GRIK4: variants seen among roughly 807,000 people sequenced by gnomAD.
The protein encoded by GRIK4 is glutamate receptor ionotropic, kainate 4.
In GRIK4, 40 loss-of-function variants were observed where a neutral mutation model predicts 104.9. The observed-to-expected ratio is 0.38, with a 90% CI of 0.30 to 0.50. GRIK4 has a LOEUF of 0.50. Ranked by LOEUF, GRIK4 falls within the 20% of genes least tolerant of loss-of-function variation. The pLI is 0.93. For synonymous variants in GRIK4, 485 were observed against 524.9 expected (o/e 0.92, Z 1.04); for missense variants, 1,047 against 1,308.1 (o/e 0.80, Z 3.08).
chr11:120,773,130 T>C (rs1951978437), intron 3 of GRIK4, among the ~76,000 whole-genome samples: 2 of 152,196 alleles, frequency 1.3e-5, no homozygotes, highest in South Asian at 4.1e-4. Flanking sequence ...TTGTTTTTGA[T>C]GGTCAAACTG....
In GRIK4 at chr11:120,511,869, G is replaced by A. The variant is rs1039343610; in HGVS notation, c.-177G>A. The A allele has an allele frequency of 1.6e-5, 5 of 315,216 alleles. No individual in the cohort carries two copies. Among genetic ancestry groups the A allele is most frequent in the African/African-American group, 2.6e-5 (1 of 37,996 alleles). The allele number at this position is 315,216 out of a possible 1,614,324, so 19.5% of individuals were successfully genotyped here. ...GCGCCCGGCCCCCGGCTCAGCCCCC[G>A]GAGTGCGGAGCCGACCAGGTAAGGG... On this transcript the variant is annotated 5_prime_UTR_variant, in exon 1 of 21. Coordinates refer to ENST00000527524, the MANE Select transcript of GRIK4 (RefSeq NM_014619.5).
chr11:120,623,889 T>A (rs1021475275), intron 1 of GRIK4, among the ~76,000 whole-genome samples: 2 of 152,074 alleles, frequency 1.3e-5, no homozygotes, highest in Non-Finnish European at 2.9e-5. Flanking sequence ...CCTGCTGCCC[T>A]CCGTGGCACC....
At chr11:120,852,601 C>T (rs1953999063) in intron 8 of GRIK4, among the ~76,000 whole-genome samples, 1 of 152,194 alleles carries the variant, frequency 6.6e-6, no homozygotes. Flanking sequence ...AGGACCAAAT[C>T]TCCTATTAAA....
At chr11:120,857,046 T>C (rs1458771624) in intron 8 of GRIK4, among the ~76,000 whole-genome samples, 2 of 152,204 alleles carry the variant, frequency 1.3e-5, no homozygotes, top group South Asian at 2.1e-4. Flanking sequence ...TTCTTGGCAC[T>C]GGACCCTGTG....
At position 120,903,898 on chromosome 11, in the gene GRIK4, G is replaced by T. The variant is rs1403027858; in HGVS notation, c.1273-1392G>T. Among the ~76,000 whole-genome samples, 3 of 152,180 alleles carry T rather than the reference G, an allele frequency of 2.0e-5. No homozygotes were observed. Among genetic ancestry groups the T allele is most frequent in the African/African-American group, 7.2e-5 (3 of 41,438 alleles). On this transcript the variant is annotated intron_variant, in intron 12 of 20. Transcript: ENST00000527524. The surrounding 1 kb of genome is among the most constrained non-coding windows in gnomAD (Gnocchi z 4.4). Reference sequence around the variant, plus strand: ...GTCGGCAGTGACACATGATCAACACGCTGGTTCCCAGCCCTGCTAGGTCTG... The same window carrying T: ...GTCGGCAGTGACACATGATCAACACTCTGGTTCCCAGCCCTGCTAGGTCTG...
At chr11:120,866,443 G>T (rs1244325927) in intron 9 of GRIK4, among the ~76,000 whole-genome samples, 1 of 152,188 alleles carries the variant, frequency 6.6e-6, no homozygotes, top group East Asian at 1.9e-4. Flanking sequence ...TTGCTCAGTG[G>T]ACTGGAGAGG....
At chr11:120,874,892 T>G (rs73584408) in intron 10 of GRIK4, among the ~76,000 whole-genome samples, 9,633 of 152,230 alleles carry the variant, frequency 0.063, 927 homozygotes, top group African/African-American at 0.21. Context: ...GGGTTGGTTT[T>G]TGCAGTTGGT....
At chr11:120,609,134 C>A (rs989061834) in intron 1 of GRIK4, among the ~76,000 whole-genome samples, 1 of 152,252 alleles carries the variant, frequency 6.6e-6, no homozygotes, top group East Asian at 1.9e-4. Context: ...GTGCTCCCAG[C>A]GCCTCCCCTC....
intron 13 of GRIK4, among the ~76,000 whole-genome samples, chr11:120,912,976 A>G (rs897621199): frequency 5.3e-5 from 8 of 152,224 alleles, no homozygotes; most frequent in Admixed American, 2.6e-4. Flanking sequence ...CAGTCAGGCA[A>G]GTATCTGTCT....
At chr11:120,934,160 A>C (rs1040154691) in intron 13 of GRIK4, among the ~76,000 whole-genome samples, 4 of 143,670 alleles carry the variant, frequency 2.8e-5, no homozygotes, top group South Asian at 2.2e-4. Context: ...AGCCGAGATC[A>C]CGCCACTGCA....
chr11:120,682,742 C>T (rs1040526600), intron 3 of GRIK4, among the ~76,000 whole-genome samples: 1 of 151,992 alleles, frequency 6.6e-6, no homozygotes, highest in Non-Finnish European at 1.5e-5. Flanking sequence ...CTCTTCCCTG[C>T]TTAAACCCTT....
intron 8 of GRIK4, among the ~76,000 whole-genome samples, chr11:120,848,762 A>G (rs976260754): frequency 2.6e-5 from 4 of 152,090 alleles, no homozygotes; most frequent in Non-Finnish European, 4.4e-5. Context: ...AAATTAACCA[A>G]TTAGGTCTTT....
Position 120,874,081 on chromosome 11 carries a change from C to T in GRIK4, c.922C>T (p.Leu308=), listed in dbSNP as rs1283479819. The T allele has an allele frequency of 6.2e-7, 1 of 1,608,890 alleles. No homozygotes were observed. Among genetic ancestry groups the T allele is most frequent in the African/African-American group, 1.3e-5 (1 of 74,844 alleles). ...FTGPALSSAL[L]FDAVYAVVTA... ...CCTCTCCCAGCTCTCCTCGGCCCTG[C>T]TGTTTGATGCTGTCTATGCTGTGGT... The change falls in exon 10 of 21, where the codon CTG becomes TTG. Residue 308 remains leucine (L), a synonymous_variant. Transcript: ENST00000527524.
intron 4 of GRIK4, 94 bp from the exon 5 acceptor site, chr11:120,815,284 G>C: frequency 2.8e-6 from 2 of 712,910 alleles, no homozygotes; most frequent in Non-Finnish European, 4.9e-6. Context: ...AGAAGGTGAG[G>C]GGGCAGCGGG....
chr11:120,852,918 C>A (rs1283967068), intron 8 of GRIK4, among the ~76,000 whole-genome samples: 2 of 152,128 alleles, frequency 1.3e-5, no homozygotes, highest in East Asian at 3.8e-4. Flanking sequence ...GAGCCTTGGG[C>A]AGGTGAAAGG....
At chr11:120,978,045 A>G (rs1385568347) in intron 19 of GRIK4, among the ~76,000 whole-genome samples, 1 of 152,230 alleles carries the variant, frequency 6.6e-6, no homozygotes, top group Non-Finnish European at 1.5e-5. Context: ...AGGAATACAT[A>G]TGGGTCCAGA....
At chr11:120,777,068 T>C (rs1952057973) in intron 3 of GRIK4, among the ~76,000 whole-genome samples, 1 of 152,180 alleles carries the variant, frequency 6.6e-6, no homozygotes, top group Non-Finnish European at 1.5e-5. Context: ...GAACCTGTGC[T>C]GCTCGGGTGA....
intron 1 of GRIK4, among the ~76,000 whole-genome samples, chr11:120,541,938 T>C (rs918971907): frequency 6.7e-6 from 1 of 149,244 alleles, no homozygotes; most frequent in Non-Finnish European, 1.5e-5. Context: ...TCCAAAGGCA[T>C]TTGTTTTTAC....
At chr11:120,667,011 G>A (rs1247057973) in intron 3 of GRIK4, among the ~76,000 whole-genome samples, 1 of 152,176 alleles carries the variant, frequency 6.6e-6, no homozygotes, top group Non-Finnish European at 1.5e-5. Flanking sequence ...GATGGAATGG[G>A]CTTTTTTGGA....
Sources: gnomAD v4.1 joint callset for allele counts (sites outside exome capture counted in the v4.1 genomes callset) on GRCh38, gnomAD v4.1.1 for gene constraint, Gnocchi (gnomAD v3.1) non-coding constraint, MANE v1.5 for transcripts, NCBI Gene and HGNC (gene_info 2026-07-23, HGNC 2026-07-21) for gene names.